Variants in DOK6 observed in about 807,000 individuals in gnomAD.
DOK6 encodes downstream of tyrosine kinase 6.
Under a neutral mutation model 44.0 loss-of-function variants are expected in DOK6, and 22 were observed. The observed-to-expected ratio is 0.50, with a 90% CI of 0.36 to 0.71. The LOEUF (loss-of-function observed/expected upper bound fraction) is 0.71. DOK6 is among the 30% of genes least tolerant of loss of function. The pLI is 0.00. For synonymous variants in DOK6, 166 were observed against 145.5 expected, an observed-to-expected ratio of 1.14 and a Z score of -1.01; for missense variants, 340 against 416.4, an observed-to-expected ratio of 0.82 and a Z score of 1.60.
chr18:69,503,327 A>T lies in DOK6; in HGVS notation c.67-61160A>T, dbSNP rs988033787. Among the ~76,000 whole-genome samples the T allele has an allele frequency of 2.6e-5, 4 of 152,144 alleles. No homozygotes were observed. In the South Asian group the frequency reaches 6.2e-4, roughly 24 times the overall value. On this transcript the variant is annotated intron_variant, in intron 1 of 7. Coordinates refer to ENST00000382713, the MANE Select transcript of DOK6 (RefSeq NM_152721.6). ...GACATAGAGACCCATGAACTAGGAT[A>T]ATTGACTAGTGAATTTTCAACACAG...
chr18:69,683,194 C>CAGAT (rs1568332531), intron 4 of DOK6, among the ~76,000 whole-genome samples: 1 of 151,842 alleles, frequency 6.6e-6, no homozygotes, highest in Non-Finnish European at 1.5e-5. Flanking sequence ...AGCACACTCA[C>CAGAT]ATCTGAGTTT....
At chr18:69,779,127 T>C (rs1980173448) in intron 7 of DOK6, among the ~76,000 whole-genome samples, 1 of 152,152 alleles carries the variant, frequency 6.6e-6, no homozygotes, top group African/African-American at 2.4e-5. Context: ...TATTCTGACC[T>C]CATCTTCGTG....
chr18:69,757,948 T>G (rs1011912638), intron 7 of DOK6, 75 bp downstream of exon 7: 17 of 1,232,486 alleles, frequency 1.4e-5, no homozygotes, highest in Non-Finnish European at 2.0e-5. Context: ...CAAATTGCTT[T>G]GTATTTGCAT....
intron 2 of DOK6, among the ~76,000 whole-genome samples, chr18:69,566,195 T>C (rs1386562248): frequency 1.3e-5 from 2 of 152,074 alleles, no homozygotes; most frequent in Non-Finnish European, 2.9e-5. Flanking sequence ...TGGAATGCAG[T>C]GGCGCGATCT....
chr18:69,599,253 G>T, intron 2 of DOK6, 131 bp from the exon 3 acceptor site: 1 of 684,076 alleles, frequency 1.5e-6, no homozygotes, highest in Admixed American at 3.3e-5. Flanking sequence ...TTTGGCTAAA[G>T]TCAATTCAGA....
At chr18:69,403,618 C>G (rs1916143971) in intron 1 of DOK6, among the ~76,000 whole-genome samples, 1 of 151,982 alleles carries the variant, frequency 6.6e-6, no homozygotes, top group African/African-American at 2.4e-5. Context: ...TAAATTAAAT[C>G]AAAATATTAA....
intron 7 of DOK6, among the ~76,000 whole-genome samples, chr18:69,834,973 A>C (rs1014023743): frequency 6.6e-6 from 1 of 152,184 alleles, no homozygotes; most frequent in Non-Finnish European, 1.5e-5. Flanking sequence ...AAGAGAGCAA[A>C]TGATCAAAAC....
intron 7 of DOK6, among the ~76,000 whole-genome samples, chr18:69,838,581 T>A (rs1814596599): frequency 6.6e-6 from 1 of 152,026 alleles, no homozygotes; most frequent in African/African-American, 2.4e-5. Flanking sequence ...CTCAAAAGGA[T>A]CATATAAGCT....
Position 69,757,739 on chromosome 18 carries a change from ATTC to A in DOK6, c.739-14_739-12del. On this transcript the variant is annotated splice_polypyrimidine_tract_variant and intron_variant, in intron 6 of 7. Coordinates refer to ENST00000382713, the MANE Select transcript of DOK6 (RefSeq NM_152721.6). Reference sequence around the variant, plus strand: ...TATTTTAAAACGAGGCCTAAAACACATTCTTTTCTCTTTTAGCTTCAGACAAGC... The same window carrying A: ...TATTTTAAAACGAGGCCTAAAACACATTTTCTCTTTTAGCTTCAGACAAGC... 6.2e-7 allele frequency: 1 copy of A among 1,608,812 alleles called. No individual in the cohort carries two copies. The highest frequency in any genetic ancestry group is 8.5e-7 in the Non-Finnish European group (1 of 1,175,258).
At chr18:69,646,040 AT>A (rs1255185290) in intron 3 of DOK6, among the ~76,000 whole-genome samples, 2 of 152,094 alleles carry the variant, frequency 1.3e-5, no homozygotes, top group Admixed American at 1.3e-4. Flanking sequence ...TTGTTCTAGT[AT>A]TTATTATATG....
intron 4 of DOK6, among the ~76,000 whole-genome samples, chr18:69,697,057 C>T (rs1986404763): frequency 6.6e-6 from 1 of 152,122 alleles, no homozygotes; most frequent in African/African-American, 2.4e-5. Context: ...AATATCAAGA[C>T]ACATGAGTAT....
At chr18:69,618,970 AC>A (rs1171203437) in intron 3 of DOK6, among the ~76,000 whole-genome samples, 1 of 152,244 alleles carries the variant, frequency 6.6e-6, no homozygotes, top group East Asian at 1.9e-4. Flanking sequence ...TACTAAAAAA[AC>A]ACACCCACAC....
intron 1 of DOK6, among the ~76,000 whole-genome samples, chr18:69,417,878 C>T (rs1047729304): frequency 6.6e-6 from 1 of 152,038 alleles, no homozygotes; most frequent in Non-Finnish European, 1.5e-5. Context: ...CTATGTAGAA[C>T]TTTTGCCCAT....
At chr18:69,517,074 T>A (rs182226557) in intron 1 of DOK6, among the ~76,000 whole-genome samples, 73 of 152,282 alleles carry the variant, frequency 4.8e-4, no homozygotes, top group Non-Finnish European at 8.4e-4. Flanking sequence ...ATATTGAGAT[T>A]GTAATTTTTG....
chr18:69,712,077 C>G (rs970255910), intron 5 of DOK6, among the ~76,000 whole-genome samples: 5 of 150,194 alleles, frequency 3.3e-5, no homozygotes, highest in Admixed American at 2.0e-4. Context: ...GTCAGGAGAT[C>G]GAGACCATCC....
intron 1 of DOK6, among the ~76,000 whole-genome samples, chr18:69,555,120 T>C (rs1982656059): frequency 6.6e-6 from 1 of 152,212 alleles, no homozygotes; most frequent in Non-Finnish European, 1.5e-5. Flanking sequence ...TATATTCTTA[T>C]TTATTTCCGC....
intron 4 of DOK6, among the ~76,000 whole-genome samples, chr18:69,684,632 C>A (rs1403529073): frequency 6.6e-6 from 1 of 152,102 alleles, no homozygotes; most frequent in Non-Finnish European, 1.5e-5. Flanking sequence ...CCCTTCCTTG[C>A]CTTTCCTCTT....
chr18:69,817,852 C>T (rs1242455857), intron 7 of DOK6, among the ~76,000 whole-genome samples: 1 of 152,180 alleles, frequency 6.6e-6, no homozygotes, highest in Non-Finnish European at 1.5e-5. Context: ...CAGTTCACCA[C>T]CAGCTGCAAC....
intron 1 of DOK6, among the ~76,000 whole-genome samples, chr18:69,404,605 C>T (rs747308851): frequency 3.0e-4 from 45 of 152,152 alleles, no homozygotes; most frequent in Non-Finnish European, 3.8e-4. Context: ...ATTCTAGACA[C>T]AGACCTCACA....
Sources: allele counts gnomAD v4.1 joint callset (sites outside exome capture counted in the v4.1 genomes callset), GRCh38; gene constraint gnomAD v4.1.1; transcripts MANE v1.5; gene names NCBI Gene and HGNC (gene_info 2026-07-23, HGNC 2026-07-21).